Variants in WT1 observed in about 807,000 individuals in gnomAD.
The protein encoded by WT1 is WT1 transcription factor.
A neutral mutation model predicts 60.8 loss-of-function variants in WT1; 8 were observed. That is an observed-to-expected ratio of 0.13 (90% CI 0.08 to 0.24). The LOEUF (loss-of-function observed/expected upper bound fraction) is 0.24, where lower values mean the gene tolerates loss of function less well. WT1 is among the 10% of genes least tolerant of loss of function. The pLI, the probability that WT1 is intolerant of heterozygous loss-of-function variation, is 1.00. For missense variants in WT1, 568 were observed against 711.8 expected (o/e 0.80, Z 2.30); for synonymous variants, 312 against 297.1 (o/e 1.05, Z -0.52).
At chr11:32,430,882 T>G in intron 1 of WT1, 75 of 1,139,412 alleles carry the variant, frequency 6.6e-5, no homozygotes, top group East Asian at 2.8e-4. Flanking sequence ...TAGAGCGCGC[T>G]GTCCCTGGGC....
chr11:32,396,985 G>A (rs1189104077), intron 6 of WT1, among the ~76,000 whole-genome samples: 1 of 152,248 alleles, frequency 6.6e-6, no homozygotes, highest in Non-Finnish European at 1.5e-5. Flanking sequence ...AAACCCACCA[G>A]AAGGCCATGG....
In WT1 at chr11:32,416,543, A is replaced by G; in HGVS notation, c.966-3T>C. ...AGCTGGAGCTCCCAGCAGCAACTCT[A>G]GAAAAGAAGAAGAGGTGGGGAGTGG... On this transcript the variant is annotated splice_polypyrimidine_tract_variant and splice_region_variant and intron_variant, in intron 4 of 9. Transcript: ENST00000452863. The G allele has an allele frequency of 6.2e-7, 1 of 1,614,068 alleles. No homozygotes were observed. The highest frequency in any genetic ancestry group is 8.5e-7 in the Non-Finnish European group (1 of 1,179,966).
intron 1 of WT1, among the ~76,000 whole-genome samples, chr11:32,429,354 C>T (rs1328557337): frequency 6.6e-6 from 1 of 151,954 alleles, no homozygotes; most frequent in African/African-American, 2.4e-5. Context: ...ACTCCCCAGG[C>T]TGGACAACCA....
intron 5 of WT1, among the ~76,000 whole-genome samples, chr11:32,412,057 A>G (rs186287039): frequency 6.6e-6 from 1 of 152,192 alleles, no homozygotes; most frequent in Non-Finnish European, 1.5e-5. Context: ...CAAGCTATCT[A>G]TTTCCAAGAA....
chr11:32,435,296 G>C lies in WT1; in HGVS notation c.65C>G (p.Thr22Arg). Residue 22 changes from threonine to arginine, a missense_variant, in exon 1 of 10, where the codon ACG becomes AGG. Transcript: ENST00000452863. Reference sequence around the variant, plus strand: ...TAGGCACCCAGGCCCGGAGCGGAGCGTGTGCTGAGACGCCGGCTCCGGGAC... The same window carrying C: ...TAGGCACCCAGGCCCGGAGCGGAGCCTGTGCTGAGACGCCGGCTCCGGGAC... 1 of 1,533,562 alleles carries C rather than the reference G, an allele frequency of 6.5e-7. No homozygotes were observed. Among genetic ancestry groups the C allele is most frequent in the Non-Finnish European group, 8.7e-7 (1 of 1,146,470 alleles). 95.0% of individuals were successfully genotyped at this position (1,533,562 alleles called of 1,614,324 possible). A position where few individuals can be genotyped will look rare whatever the true frequency, so the allele number is the denominator to read the frequency against.
chr11:32,399,939 T>G lies in WT1; in HGVS notation c.1113+9A>C, dbSNP rs780554363. 6.2e-7 allele frequency: 1 copy of G among 1,614,000 alleles called. No individual in the cohort carries two copies. Among genetic ancestry groups the G allele is most frequent in the African/African-American group, 1.3e-5 (1 of 74,944 alleles). ...CCCCCTTCCCGCTGGGGCCTGTCTG[T>G]GTGCTCACCTGAATGCCTCTGAAGA... On this transcript the variant is annotated intron_variant, in intron 6 of 9. Coordinates refer to ENST00000452863, the MANE Select transcript of WT1 (RefSeq NM_024426.6).
chr11:32,396,506 G>A (rs1564973213), intron 6 of WT1, 99 bp from the exon 7 acceptor site: 1 of 1,542,012 alleles, frequency 6.5e-7, no homozygotes. Flanking sequence ...TCCAAAGAAG[G>A]GGTGGCAGGT....
chr11:32,394,341 A>C (rs1717793539), intron 7 of WT1, among the ~76,000 whole-genome samples: 1 of 152,108 alleles, frequency 6.6e-6, no homozygotes, highest in Admixed American at 6.5e-5. Context: ...ACCAGCCTCC[A>C]CTGGCTAACC....
At chr11:32,431,608 T>A (rs1176197358) in intron 1 of WT1, among the ~76,000 whole-genome samples, 1 of 151,800 alleles carries the variant, frequency 6.6e-6, no homozygotes, top group African/African-American at 2.4e-5. Context: ...GGCCAATTTT[T>A]TTTTTTGTAT....
chr11:32,429,094 T>C (rs1853173253), intron 1 of WT1: 1 of 279,036 alleles, frequency 3.6e-6, no homozygotes, highest in Non-Finnish European at 7.1e-6. Context: ...CTTTCATTAA[T>C]TACTCGGAGC....
At chr11:32,433,056 T>G (rs148759208) in intron 1 of WT1, among the ~76,000 whole-genome samples, 1 of 152,118 alleles carries the variant, frequency 6.6e-6, no homozygotes, top group African/African-American at 2.4e-5. Flanking sequence ...CTATGGAGTA[T>G]AACTTCAAGC....
chr11:32,390,009 G>A (rs1254012970), intron 9 of WT1, among the ~76,000 whole-genome samples: 3 of 152,096 alleles, frequency 2.0e-5, no homozygotes, highest in South Asian at 2.1e-4. Flanking sequence ...TAGGGGAAGC[G>A]TTATTATCCC....
At chr11:32,421,715 A>G (rs568160908) in intron 3 of WT1, among the ~76,000 whole-genome samples, 1 of 152,362 alleles carries the variant, frequency 6.6e-6, no homozygotes, top group African/African-American at 2.4e-5. Context: ...CTGCACAAAA[A>G]GAAAGGAAGA....
rs1228960968 is a variant in WT1, at chr11:32,407,853, T to C, written c.1017-7809A>G. Reference sequence around the variant, plus strand: ...AACACAGTGCCACTCATCAATTACATTTACCTAAAAAAGAAAGAAAGAAAA... The same window carrying C: ...AACACAGTGCCACTCATCAATTACACTTACCTAAAAAAGAAAGAAAGAAAA... On this transcript the variant is annotated intron_variant, in intron 5 of 9. Coordinates refer to ENST00000452863, the MANE Select transcript of WT1 (RefSeq NM_024426.6). Among the ~76,000 whole-genome samples the C allele has an allele frequency of 6.6e-5, 10 of 151,774 alleles. No homozygotes were observed. The South Asian group carries it at 1.7e-3, about 25-fold the overall frequency.
intron 9 of WT1, among the ~76,000 whole-genome samples, chr11:32,390,180 C>G (rs1049180960): frequency 6.6e-6 from 1 of 152,196 alleles, no homozygotes; most frequent in East Asian, 1.9e-4. Context: ...AGGAAGAATG[C>G]ACAGAAGCTA....
intron 1 of WT1, among the ~76,000 whole-genome samples, chr11:32,433,896 G>A (rs1853393263): frequency 6.6e-6 from 1 of 152,238 alleles, no homozygotes; most frequent in African/African-American, 2.4e-5. Context: ...AAGATGAAGA[G>A]GCGCCCCAGA....
chr11:32,410,264 A>G lies in WT1; in HGVS notation c.1016+6226T>C, dbSNP rs561728080. Among the ~76,000 whole-genome samples the G allele has an allele frequency of 5.3e-5, 8 of 152,262 alleles. No homozygotes were observed. The South Asian group carries it at 1.7e-3, about 32-fold the overall frequency. ...CCTCCTCTTGATCATTCTCATCAGC[A>G]AACAAACATACAGATACTTCTATCT... On this transcript the variant is annotated intron_variant, in intron 5 of 9. Coordinates refer to ENST00000452863, the MANE Select transcript of WT1 (RefSeq NM_024426.6).
intron 7 of WT1, among the ~76,000 whole-genome samples, chr11:32,395,673 G>T (rs1270397568): frequency 6.6e-6 from 1 of 151,976 alleles, no homozygotes; most frequent in Non-Finnish European, 1.5e-5. Context: ...TGTTGGCCAG[G>T]CTGGTCTCCA....
At position 32,434,915 on chromosome 11, in the gene WT1, G is replaced by C. The variant is rs1853447771; in HGVS notation, c.446C>G (p.Pro149Arg). Residue 149 changes from proline to arginine, a missense_variant, in exon 1 of 10, where the codon CCG (proline) becomes CGG (arginine). By Grantham distance (103) the Pro-to-Arg change is moderately radical (BLOSUM62 -2). This residue lies in a region of WT1 where 523 missense variants were observed against 565.1 expected (regional missense o/e 0.93). Coordinates refer to ENST00000452863, the MANE Select transcript of WT1 (RefSeq NM_024426.6). ...GTGCGGCTCCGCGCCGCCCCAGCTC[G>C]GCTCCTGTTTGATGAAGGAGTGAGG... 1.9e-6 allele frequency: 3 copies of C among 1,608,808 alleles called. No individual in the cohort carries two copies. Among genetic ancestry groups the C allele is most frequent in the East Asian group, 2.2e-5 (1 of 44,756 alleles).
Sources: gnomAD v4.1 joint callset for allele counts (sites outside exome capture counted in the v4.1 genomes callset) on GRCh38, gnomAD v4.1.1 for gene constraint, gnomAD v4.1.1 regional missense constraint, MANE v1.5 for transcripts, NCBI Gene and HGNC (gene_info 2026-07-23, HGNC 2026-07-21) for gene names.